The following CNTNAP2 variants were observed in gnomAD, a reference collection of about 807,000 sequenced individuals.
CNTNAP2 encodes the protein contactin associated protein 2, also known as contactin-associated protein-like 2.
CNTNAP2 carries 98 observed loss-of-function variants against 155.2 expected under a neutral mutation model. The observed-to-expected ratio is 0.63, with a 90% CI of 0.54 to 0.75. The LOEUF is 0.75. CNTNAP2 is among the 30% of genes least tolerant of loss of function. CNTNAP2 has a pLI of 0.00. For missense variants in CNTNAP2, 1,727 were observed against 1,688.1 expected (o/e 1.02, Z -0.40); for synonymous variants, 651 against 631.2 (o/e 1.03, Z -0.47).
At chr7:146,331,543 C>T (rs1293736925) in intron 1 of CNTNAP2, among the ~76,000 whole-genome samples, 1 of 151,614 alleles carries the variant, frequency 6.6e-6, no homozygotes, top group Non-Finnish European at 1.5e-5. Flanking sequence ...GTATCTCATC[C>T]TCCAGGGGTC....
chr7:147,130,133 G>A (rs943300855), intron 7 of CNTNAP2, among the ~76,000 whole-genome samples: 7 of 152,026 alleles, frequency 4.6e-5, no homozygotes, highest in African/African-American at 1.7e-4. Context: ...TAGATGTATA[G>A]CCTGGTATAG....
At chr7:146,308,942 G>T (rs1037837053) in intron 1 of CNTNAP2, among the ~76,000 whole-genome samples, 3 of 152,020 alleles carry the variant, frequency 2.0e-5, no homozygotes, top group African/African-American at 7.2e-5. Flanking sequence ...AAACCTGCAT[G>T]TTGTGCACAT....
At chr7:146,547,237 G>A (rs13239844) in intron 1 of CNTNAP2, among the ~76,000 whole-genome samples, 94,385 of 151,706 alleles carry the variant, frequency 0.62, 30,204 homozygotes, top group African/African-American at 0.72. Context: ...TTAAGCCATA[G>A]AGTGTAACTG....
intron 14 of CNTNAP2, among the ~76,000 whole-genome samples, chr7:147,908,226 C>T (rs959411636): frequency 2.0e-5 from 3 of 152,132 alleles, no homozygotes; most frequent in African/African-American, 7.2e-5. Flanking sequence ...ACAGGCTTTA[C>T]TAGAGAAAGT....
chr7:146,512,870 A>T (rs1002476183), intron 1 of CNTNAP2, among the ~76,000 whole-genome samples: 1 of 151,950 alleles, frequency 6.6e-6, no homozygotes, highest in Non-Finnish European at 1.5e-5. Context: ...TGATCTGTCC[A>T]TTACTGGTAG....
chr7:147,056,356 G>A (rs935766788), intron 4 of CNTNAP2, among the ~76,000 whole-genome samples: 1 of 151,948 alleles, frequency 6.6e-6, no homozygotes, highest in African/African-American at 2.4e-5. Context: ...ACTTTGAAGT[G>A]CAAATGTTTT....
chr7:147,521,278 C>T (rs1799225560), intron 11 of CNTNAP2, among the ~76,000 whole-genome samples: 1 of 152,266 alleles, frequency 6.6e-6, no homozygotes, highest in East Asian at 1.9e-4. Context: ...CATAGTTCCA[C>T]TATAATTTTG....
chr7:146,538,265 C>G (rs1342535650), intron 1 of CNTNAP2, among the ~76,000 whole-genome samples: 1 of 152,104 alleles, frequency 6.6e-6, no homozygotes, highest in Non-Finnish European at 1.5e-5. Context: ...CAAACAACCT[C>G]AAGTCTTTCC....
intron 18 of CNTNAP2, among the ~76,000 whole-genome samples, chr7:148,178,954 G>A (rs557124410): frequency 6.6e-6 from 1 of 152,132 alleles, no homozygotes; most frequent in Non-Finnish European, 1.5e-5. Context: ...TGTCATTTCG[G>A]TACTTCAGGA....
At chr7:147,579,061 T>C (rs147512555) in intron 12 of CNTNAP2, among the ~76,000 whole-genome samples, 150 of 152,232 alleles carry the variant, frequency 9.9e-4, no homozygotes, top group African/African-American at 3.5e-3. Context: ...GTCACTTTAG[T>C]AAATTCTTAA....
At chr7:147,594,183 G>T (rs1348483390) in intron 12 of CNTNAP2, among the ~76,000 whole-genome samples, 1 of 134,146 alleles carries the variant, frequency 7.5e-6, no homozygotes, top group Admixed American at 8.7e-5. Flanking sequence ...CTGGAGTACA[G>T]TGGCCCAGTC....
chr7:147,508,637 C>T (rs1798958098), intron 11 of CNTNAP2, among the ~76,000 whole-genome samples: 1 of 152,170 alleles, frequency 6.6e-6, no homozygotes, highest in South Asian at 2.1e-4. Context: ...TTGTAGCTCC[C>T]ATAATCCCTG....
At chr7:146,481,088 C>T (rs181728121) in intron 1 of CNTNAP2, among the ~76,000 whole-genome samples, 3 of 152,094 alleles carry the variant, frequency 2.0e-5, no homozygotes, top group African/African-American at 4.8e-5. Flanking sequence ...CCTGAAACTG[C>T]CAGCCAGTAG....
intron 1 of CNTNAP2, among the ~76,000 whole-genome samples, chr7:146,545,391 TGCAGGTTTG>T: frequency 6.6e-6 from 1 of 151,816 alleles, no homozygotes. Flanking sequence ...GTGCAGAACG[TGCAGGTTTG>T]TTACATAGGT....
chr7:146,832,013 G>GTTGA lies in CNTNAP2; in HGVS notation c.209-7695_209-7692dup, dbSNP rs1184089517. ...TTTCCTACTCTAGTTTATAACAGAT[G>GTTGA]TTGATTAATGGATATAGCCCTCTTC... On this transcript the variant is annotated intron_variant, in intron 2 of 23. Transcript: ENST00000361727. 2.0e-5 allele frequency among the ~76,000 whole-genome samples: 3 copies of GTTGA among 152,158 alleles called. No individual in the cohort carries two copies. The East Asian group carries it at 5.8e-4, about 29-fold the overall frequency.
At chr7:146,879,917 A>G (rs1283138642) in intron 3 of CNTNAP2, among the ~76,000 whole-genome samples, 1 of 152,084 alleles carries the variant, frequency 6.6e-6, no homozygotes, top group Non-Finnish European at 1.5e-5. Flanking sequence ...GCTGAAGGCA[A>G]AAGGCACATC....
chr7:148,172,842 G>A (rs1035336276), intron 18 of CNTNAP2, among the ~76,000 whole-genome samples: 2 of 152,102 alleles, frequency 1.3e-5, no homozygotes, highest in African/African-American at 2.4e-5. Context: ...TAGATCAATT[G>A]ATCAGTCAAT....
At chr7:147,434,180 ATAGT>A (rs1219823232) in intron 10 of CNTNAP2, among the ~76,000 whole-genome samples, 1 of 152,214 alleles carries the variant, frequency 6.6e-6, no homozygotes, top group Non-Finnish European at 1.5e-5. Flanking sequence ...CTATTTGCTA[ATAGT>A]TGTAGTATTC....
At chr7:147,438,307 G>T (rs931669795) in intron 10 of CNTNAP2, among the ~76,000 whole-genome samples, 4 of 151,906 alleles carry the variant, frequency 2.6e-5, no homozygotes, top group South Asian at 2.1e-4. Flanking sequence ...GTTTTTGAGA[G>T]TTTTTATCAT....
Sources: gnomAD v4.1 joint callset for allele counts (sites outside exome capture counted in the v4.1 genomes callset) on GRCh38, gnomAD v4.1.1 for gene constraint, MANE v1.5 for transcripts, NCBI Gene and HGNC (gene_info 2026-07-23, HGNC 2026-07-21) for gene names.